Variants in MGMT observed in about 807,000 individuals in gnomAD.
MGMT encodes methylated-DNA--protein-cysteine methyltransferase.
Under a neutral mutation model 15.9 loss-of-function variants are expected in MGMT, and 14 were observed. The ratio of observed to expected loss-of-function variants is 0.88; its 90% CI spans 0.58 to 1.37. The LOEUF is 1.37. Among genes scored for constraint, MGMT ranks in the 40% most tolerant of loss-of-function variants. MGMT has a pLI of 0.00. For synonymous variants in MGMT, 130 were observed against 118.2 expected (o/e 1.10, Z -0.65); for missense variants, 282 against 268.1 (o/e 1.05, Z -0.36).
At chr10:129,627,861 T>A (rs1411448819) in intron 2 of MGMT, among the ~76,000 whole-genome samples, 1 of 152,234 alleles carries the variant, frequency 6.6e-6, no homozygotes. Flanking sequence ...CCAGGAGTTA[T>A]GTTCTGAGAA....
chr10:129,524,653 G>A (rs1412555135), intron 1 of MGMT, among the ~76,000 whole-genome samples: 2 of 140,018 alleles, frequency 1.4e-5, no homozygotes, highest in South Asian at 2.3e-4. Flanking sequence ...GTGCAGTGGC[G>A]TGATCTCAGC....
intron 3 of MGMT, among the ~76,000 whole-genome samples, chr10:129,739,864 C>T (rs1848610565): frequency 6.6e-6 from 1 of 151,694 alleles, no homozygotes; most frequent in Non-Finnish European, 1.5e-5. Context: ...CTCAGGGAAG[C>T]CAAAAGATTA....
Position 129,566,653 on chromosome 10 carries a change from A to G in MGMT, c.125+30276A>G, listed in dbSNP as rs1172111334. ...GGATTTTTGCTGTTTCTCTTCTCCC[A>G]CTGTTGGTCGTTGGCTGGATCTCGT... On this transcript the variant is annotated intron_variant, in intron 2 of 4. Coordinates refer to ENST00000651593, the MANE Select transcript of MGMT (RefSeq NM_002412.5). The surrounding 1 kb of genome is among the most constrained non-coding windows in gnomAD (Gnocchi z 4.1). 6.7e-6 allele frequency among the ~76,000 whole-genome samples: 1 copy of G among 150,296 alleles called. No homozygotes were observed. Among genetic ancestry groups the G allele is most frequent in the Admixed American group, 6.7e-5 (1 of 15,022 alleles).
chr10:129,580,457 C>T (rs1314611820), intron 2 of MGMT, among the ~76,000 whole-genome samples: 1 of 152,188 alleles, frequency 6.6e-6, no homozygotes, highest in African/African-American at 2.4e-5. Context: ...GACTTAAACA[C>T]GAGGAGGCTG....
chr10:129,561,528 A>C (rs1478788050), intron 2 of MGMT, among the ~76,000 whole-genome samples: 2 of 152,114 alleles, frequency 1.3e-5, no homozygotes, highest in Admixed American at 1.3e-4. Flanking sequence ...CAAATGTTAC[A>C]CCTTCCCATT....
At chr10:129,765,196 C>A (rs1015757021) in intron 4 of MGMT, among the ~76,000 whole-genome samples, 2 of 152,128 alleles carry the variant, frequency 1.3e-5, no homozygotes, top group African/African-American at 2.4e-5. Flanking sequence ...TACACCTGCT[C>A]CCCAGGCGCC....
chr10:129,506,754 ACT>A (rs34349330), intron 1 of MGMT, among the ~76,000 whole-genome samples: 1 of 151,976 alleles, frequency 6.6e-6, no homozygotes, highest in South Asian at 2.1e-4. Context: ...GCCTTTGTAC[ACT>A]CTGTTTATTC....
intron 1 of MGMT, among the ~76,000 whole-genome samples, chr10:129,516,362 C>T (rs1276025352): frequency 6.6e-6 from 1 of 152,248 alleles, no homozygotes; most frequent in East Asian, 1.9e-4. Context: ...ACGTGCATGG[C>T]TGAGCAGAGC....
intron 2 of MGMT, among the ~76,000 whole-genome samples, chr10:129,551,008 C>T (rs961743526): frequency 6.6e-6 from 1 of 152,180 alleles, no homozygotes; most frequent in Non-Finnish European, 1.5e-5. Flanking sequence ...GACATGGAGC[C>T]ATTTCGGGTA....
chr10:129,675,556 A>G (rs1000408121), intron 2 of MGMT, among the ~76,000 whole-genome samples: 3 of 152,150 alleles, frequency 2.0e-5, no homozygotes, highest in Non-Finnish European at 2.9e-5. Flanking sequence ...CAGAAGGGGA[A>G]ACAGAGCAGG....
chr10:129,770,649 A>G lies in MGMT; in HGVS notation c.*3652A>G, dbSNP rs907364563. On this transcript the variant is annotated 3_prime_UTR_variant, in exon 5 of 5. Transcript: ENST00000651593. ...GATCTTAGTGCTACTTGGGCTTCTC[A>G]CAGCACAGAGGAGGATTCTGAAGTG... Among the ~76,000 whole-genome samples, 7 of 152,268 alleles carry G rather than the reference A, an allele frequency of 4.6e-5. No individual in the cohort carries two copies. The highest frequency in any genetic ancestry group is 7.3e-5 in the Non-Finnish European group (5 of 68,052).
At chr10:129,574,023 C>T (rs904896721) in intron 2 of MGMT, among the ~76,000 whole-genome samples, 8 of 152,224 alleles carry the variant, frequency 5.3e-5, no homozygotes, top group African/African-American at 1.7e-4. Context: ...GCAACATGTC[C>T]CCCGACCCAA....
intron 1 of MGMT, among the ~76,000 whole-genome samples, chr10:129,521,095 C>T (rs1226162797): frequency 6.6e-6 from 1 of 152,178 alleles, no homozygotes; most frequent in South Asian, 2.1e-4. Flanking sequence ...CATGGCCCTC[C>T]TGGAAGCAGT....
chr10:129,487,733 A>G (rs1048600762), intron 1 of MGMT, among the ~76,000 whole-genome samples: 3 of 151,196 alleles, frequency 2.0e-5, no homozygotes, highest in African/African-American at 7.3e-5. Context: ...ATTGGCTGCA[A>G]TTTTCTTCTC....
intron 1 of MGMT, among the ~76,000 whole-genome samples, chr10:129,521,591 A>T (rs1845811351): frequency 6.6e-6 from 1 of 152,206 alleles, no homozygotes; most frequent in South Asian, 2.1e-4. Flanking sequence ...TCAGTCCTGC[A>T]GGAGTCCAGG....
At chr10:129,650,915 G>T (rs1183352731) in intron 2 of MGMT, among the ~76,000 whole-genome samples, 1 of 152,176 alleles carries the variant, frequency 6.6e-6, no homozygotes, top group Non-Finnish European at 1.5e-5. Context: ...CATGGCTCCC[G>T]CATTGTGGCC....
intron 2 of MGMT, among the ~76,000 whole-genome samples, chr10:129,615,353 C>A (rs1004091269): frequency 2.0e-5 from 3 of 152,102 alleles, no homozygotes; most frequent in African/African-American, 7.2e-5. Context: ...AGGACCACGG[C>A]CTCGTTCTTT....
intron 2 of MGMT, among the ~76,000 whole-genome samples, chr10:129,651,587 C>G (rs994014682): frequency 6.6e-6 from 1 of 152,076 alleles, no homozygotes; most frequent in Non-Finnish European, 1.5e-5. Context: ...ACATAATCCC[C>G]CAATGTGAAA....
chr10:129,661,848 G>C (rs756354933), intron 2 of MGMT, among the ~76,000 whole-genome samples: 3 of 152,116 alleles, frequency 2.0e-5, no homozygotes, highest in Non-Finnish European at 4.4e-5. Context: ...ATTTGCTTTC[G>C]TGTGACCTGA....
Sources: gnomAD v4.1 joint callset for allele counts (sites outside exome capture counted in the v4.1 genomes callset) on GRCh38, gnomAD v4.1.1 for gene constraint, Gnocchi (gnomAD v3.1) non-coding constraint, MANE v1.5 for transcripts, NCBI Gene and HGNC (gene_info 2026-07-23, HGNC 2026-07-21) for gene names.